NEMP2: variants seen among roughly 807,000 people sequenced by gnomAD.
NEMP2 encodes the protein UPF0571 transmembrane protein.
Under a neutral mutation model 54.2 loss-of-function variants are expected in NEMP2, and 53 were observed. The ratio of observed to expected loss-of-function variants is 0.98; its 90% CI spans 0.78 to 1.23. NEMP2 has a LOEUF of 1.23. Ranked by LOEUF, NEMP2 falls within the 50% of genes most tolerant of loss-of-function variation. NEMP2 has a pLI of 0.00. For synonymous variants in NEMP2, 197 were observed against 190.3 expected, an observed-to-expected ratio of 1.04 and a Z score of -0.29; for missense variants, 455 against 511.3, an observed-to-expected ratio of 0.89 and a Z score of 1.06.
the NEMP2 span, among the ~76,000 whole-genome samples, chr2:190,450,082 A>G: frequency 6.6e-6 from 1 of 152,170 alleles, no homozygotes; most frequent in Non-Finnish European, 1.5e-5. Flanking sequence ...GATGTCCCAA[A>G]GCTCATAAAG....
chr2:190,582,543 AT>A, the NEMP2 span, among the ~76,000 whole-genome samples: 8 of 152,224 alleles, frequency 5.3e-5, no homozygotes, highest in Admixed American at 4.6e-4. This position sits in a 1 kb window ranked among gnomAD's most constrained non-coding sequence, Gnocchi z 4.6. Flanking sequence ...CCTTAAAAAA[AT>A]CATTTATCTC....
At chr2:190,567,089 GA>G in the NEMP2 span, among the ~76,000 whole-genome samples, 1 of 152,060 alleles carries the variant, frequency 6.6e-6, no homozygotes, top group Non-Finnish European at 1.5e-5. The surrounding 1 kb of genome is among the most constrained non-coding windows in gnomAD (Gnocchi z 4.0). Context: ...TTTATAGCCT[GA>G]AAAATTATGA....
intron 6 of NEMP2, 43 bp downstream of exon 6, chr2:190,516,227 A>C (rs1159406003): frequency 2.2e-6 from 3 of 1,381,402 alleles, no homozygotes; most frequent in African/African-American, 1.5e-5. Context: ...TGTACATCTC[A>C]GTTTTACCAA....
At chr2:190,602,837 A>C in the NEMP2 span, among the ~76,000 whole-genome samples, 1 of 152,180 alleles carries the variant, frequency 6.6e-6, no homozygotes, top group South Asian at 2.1e-4. Flanking sequence ...AGGAAACAAA[A>C]ACATTTTGTG....
chr2:190,489,616 T>C, the NEMP2 span: 1 of 658,582 alleles, frequency 1.5e-6, no homozygotes, highest in Non-Finnish European at 2.6e-6. This position sits in a 1 kb window ranked among gnomAD's most constrained non-coding sequence, Gnocchi z 6.6. Context: ...CCCTGTGTTT[T>C]TCCATTATGT....
Position 190,509,195 on chromosome 2 carries a change from A to C in NEMP2, c.1248T>G (p.Thr416=), listed in dbSNP as rs971359943. 6.4e-7 allele frequency: 1 copy of C among 1,551,728 alleles called. No individual in the cohort carries two copies. Residue 416 remains threonine (T), a synonymous_variant, in exon 9 of 9, where the codon ACT becomes ACG. Transcript: ENST00000409150. This position sits in a 1 kb window ranked among gnomAD's most constrained non-coding sequence, Gnocchi z 6.1. ...TCAACTTGAAGGTCGCATGTCAGGC[A>C]GTACTCGGGTTAAAGAGCTGCTCTT... ...FLEEQLFNPS[T]A
downstream of NEMP2, chr2:190,500,671 T>C (rs1273352860): frequency 6.5e-6 from 1 of 154,032 alleles, no homozygotes; most frequent in African/African-American, 2.4e-5. The surrounding 1 kb of genome is among the most constrained non-coding windows in gnomAD (Gnocchi z 5.3). Context: ...TCTTTTTTCT[T>C]GGAGAGAACC....
At chr2:190,488,932 A>G in the NEMP2 span, 2 of 1,036,970 alleles carry the variant, frequency 1.9e-6, no homozygotes, top group Non-Finnish European at 1.4e-6. This position sits in a 1 kb window ranked among gnomAD's most constrained non-coding sequence, Gnocchi z 6.4. Flanking sequence ...GCTAAATTCC[A>G]GTATTCATAA....
chr2:190,499,546 G>A (rs1384784488), downstream of NEMP2, among the ~76,000 whole-genome samples: 1 of 152,166 alleles, frequency 6.6e-6, no homozygotes, highest in Non-Finnish European at 1.5e-5. This position sits in a 1 kb window ranked among gnomAD's most constrained non-coding sequence, Gnocchi z 6.0. Flanking sequence ...CTTAATTACA[G>A]GACATTCTTT....
At chr2:190,559,804 A>C in the NEMP2 span, among the ~76,000 whole-genome samples, 2 of 152,226 alleles carry the variant, frequency 1.3e-5, no homozygotes, top group Non-Finnish European at 2.9e-5. The surrounding 1 kb of genome is among the most constrained non-coding windows in gnomAD (Gnocchi z 4.0). Flanking sequence ...GGCCCCTGGC[A>C]GCAGGTCCAG....
chr2:190,578,481 C>T, the NEMP2 span, among the ~76,000 whole-genome samples: 1 of 151,932 alleles, frequency 6.6e-6, no homozygotes, highest in Non-Finnish European at 1.5e-5. This position sits in a 1 kb window ranked among gnomAD's most constrained non-coding sequence, Gnocchi z 4.4. Flanking sequence ...GGAGCAAAGG[C>T]AGGTGGGCCG....
At chr2:190,572,873 A>ACATATATG in the NEMP2 span, among the ~76,000 whole-genome samples, 1 of 110,324 alleles carries the variant, frequency 9.1e-6, no homozygotes, top group African/African-American at 3.4e-5. Context: ...ATATATATAT[A>ACATATATG]TATGTATATA....
the NEMP2 span, chr2:190,469,938 T>A: frequency 1.0e-6 from 1 of 955,818 alleles, no homozygotes; most frequent in Non-Finnish European, 1.6e-6. The surrounding 1 kb of genome is among the most constrained non-coding windows in gnomAD (Gnocchi z 5.3). Flanking sequence ...AGCATCTGAT[T>A]CTATAAAGGA....
At chr2:190,450,798 A>G in the NEMP2 span, among the ~76,000 whole-genome samples, 1 of 152,076 alleles carries the variant, frequency 6.6e-6, no homozygotes. Context: ...CCAGCCACTG[A>G]GTTTTTCTTT....
chr2:190,470,169 A>G, the NEMP2 span, among the ~76,000 whole-genome samples: 1 of 152,226 alleles, frequency 6.6e-6, no homozygotes, highest in Non-Finnish European at 1.5e-5. Flanking sequence ...TTTAAGATAT[A>G]AAAATATTTA....
At chr2:190,517,659 T>G in intron 4 of NEMP2, 46 bp from the exon 5 acceptor site, 1 of 1,373,514 alleles carries the variant, frequency 7.3e-7, no homozygotes, top group Non-Finnish European at 1.0e-6. Flanking sequence ...CAAAAAGCAC[T>G]TTGAGTATGA....
At chr2:190,441,530 A>G in the NEMP2 span, among the ~76,000 whole-genome samples, 1 of 152,028 alleles carries the variant, frequency 6.6e-6, no homozygotes, top group Non-Finnish European at 1.5e-5. Flanking sequence ...TTTCCAGCTC[A>G]TGCAGCATGT....
the NEMP2 span, among the ~76,000 whole-genome samples, chr2:190,597,106 T>C: frequency 6.6e-6 from 1 of 151,710 alleles, no homozygotes; most frequent in South Asian, 2.1e-4. The surrounding 1 kb of genome is among the most constrained non-coding windows in gnomAD (Gnocchi z 4.7). Flanking sequence ...TACAAAAAAA[T>C]TTTTCTAATT....
the NEMP2 span, among the ~76,000 whole-genome samples, chr2:190,439,685 C>T: frequency 6.6e-6 from 1 of 152,150 alleles, no homozygotes; most frequent in Non-Finnish European, 1.5e-5. The surrounding 1 kb of genome is among the most constrained non-coding windows in gnomAD (Gnocchi z 5.8). Context: ...AAGCATCTTC[C>T]ATTTCTTGTT....
Sources: allele counts gnomAD v4.1 joint callset (sites outside exome capture counted in the v4.1 genomes callset), GRCh38; gene constraint gnomAD v4.1.1; non-coding constraint Gnocchi (gnomAD v3.1); transcripts MANE v1.5; gene names NCBI Gene and HGNC (gene_info 2026-07-23, HGNC 2026-07-21).